The following TMEM209 variants were observed in gnomAD, a reference collection of about 807,000 sequenced individuals.
The protein encoded by TMEM209 is testicular tissue protein Li 202.
A neutral mutation model predicts 76.2 loss-of-function variants in TMEM209; 65 were observed. The observed-to-expected ratio is 0.85, with a 90% CI of 0.70 to 1.05. The LOEUF (loss-of-function observed/expected upper bound fraction) is 1.05. Ranked by LOEUF, TMEM209 falls within the 50% of genes least tolerant of loss-of-function variation. The probability of loss-of-function intolerance (pLI) is 0.00; values close to 1 mark genes in which losing one functional copy is unlikely to be tolerated. For missense variants in TMEM209, 623 were observed against 685.5 expected (o/e 0.91, Z 1.02); for synonymous variants, 239 against 237.6 (o/e 1.01, Z -0.06).
Position 130,202,066 on chromosome 7 carries a change from A to G in TMEM209, c.357T>C (p.Asp119=), listed in dbSNP as rs1392291124. The change falls in exon 5 of 15, where the codon GAT becomes GAC. Residue 119 remains aspartate (D), a synonymous_variant. Coordinates refer to ENST00000397622, the MANE Select transcript of TMEM209 (RefSeq NM_032842.4). ...TAVVQTTPPH[D]LAATQIPPAP... ...CGGGAGGGATTTGGGTTGCTGCCAG[A>G]TCATGTGGAGGCGTAGTCTGTACAA... The G allele has an allele frequency of 6.2e-7, 1 of 1,613,848 alleles. No homozygotes were observed. The highest frequency in any genetic ancestry group is 1.3e-5 in the African/African-American group (1 of 74,996).
intron 14 of TMEM209, among the ~76,000 whole-genome samples, chr7:130,168,029 C>A (rs1352220699): frequency 6.6e-6 from 1 of 152,034 alleles, no homozygotes; most frequent in Admixed American, 6.6e-5. Flanking sequence ...GTATCAATTT[C>A]TTTTGGCCTT....
intron 5 of TMEM209, among the ~76,000 whole-genome samples, chr7:130,196,317 A>C (rs1186952604): frequency 7.1e-6 from 1 of 140,838 alleles, no homozygotes; most frequent in African/African-American, 2.5e-5. Context: ...CTTCTTAGCC[A>C]ATTTTTGGCT....
At chr7:130,184,005 AT>A (rs898355463) in intron 8 of TMEM209, among the ~76,000 whole-genome samples, 178 bp downstream of exon 8, 2 of 152,200 alleles carry the variant, frequency 1.3e-5, no homozygotes, top group East Asian at 1.9e-4. Context: ...GAAGAAAAAA[AT>A]CTCATGAAAA....
chr7:130,188,523 G>C (rs1472623043), intron 6 of TMEM209, among the ~76,000 whole-genome samples: 3 of 147,862 alleles, frequency 2.0e-5, no homozygotes, highest in African/African-American at 7.6e-5. Flanking sequence ...ATGAACCCGG[G>C]AGGCGGAGCT....
At chr7:130,193,475 G>T (rs533055538) in intron 5 of TMEM209, among the ~76,000 whole-genome samples, 30 of 151,962 alleles carry the variant, frequency 2.0e-4, no homozygotes, top group Admixed American at 3.9e-4. Flanking sequence ...GGAGGCGGAG[G>T]TTGTGGCGAG....
intron 6 of TMEM209, 161 bp downstream of exon 6, chr7:130,192,461 G>A: frequency 1.6e-6 from 1 of 632,744 alleles, no homozygotes; most frequent in Admixed American, 3.0e-5. Flanking sequence ...TAAATTTAGT[G>A]AACTTAATTC....
intron 11 of TMEM209, 44 bp downstream of exon 11, chr7:130,175,468 T>C: frequency 6.5e-7 from 1 of 1,548,490 alleles, no homozygotes; most frequent in East Asian, 2.3e-5. Flanking sequence ...TGTCAGTCAA[T>C]CAACAGTAAA....
intron 6 of TMEM209, among the ~76,000 whole-genome samples, chr7:130,188,350 A>T (rs1173738322): frequency 6.6e-6 from 1 of 152,168 alleles, no homozygotes; most frequent in African/African-American, 2.4e-5. Flanking sequence ...TAATCCCAGC[A>T]CTTTGGGAGG....
chr7:130,169,607 T>C (rs945098618), intron 14 of TMEM209, among the ~76,000 whole-genome samples: 7 of 152,246 alleles, frequency 4.6e-5, no homozygotes, highest in Non-Finnish European at 1.0e-4. Context: ...TGGTGGCTAC[T>C]GTGCTGGATG....
chr7:130,197,057 T>C (rs781112302), intron 5 of TMEM209, among the ~76,000 whole-genome samples: 17 of 152,128 alleles, frequency 1.1e-4, no homozygotes, highest in Middle Eastern at 3.4e-3. Flanking sequence ...CAAGACCCCA[T>C]CTCTACCAAA....
intron 11 of TMEM209, among the ~76,000 whole-genome samples, chr7:130,174,674 T>C (rs1157649000): frequency 6.6e-6 from 1 of 152,222 alleles, no homozygotes; most frequent in East Asian, 1.9e-4. Context: ...AAAACATTTA[T>C]GTTCTTTGAT....
rs1007012717 is a variant in TMEM209, at chr7:130,173,679, G to A, written c.1510C>T (p.Pro504Ser). 7 of 1,613,798 alleles carry A rather than the reference G, an allele frequency of 4.3e-6. No homozygotes were observed. The highest frequency in any genetic ancestry group is 5.9e-6 in the Non-Finnish European group (7 of 1,179,842). ...CGCTGGTAGATGAGCTCATAATGGG[G>A]AGGGTTGATAGCACTCTGATAAATG... is the stretch of plus-strand genomic sequence containing the variant. ...FCIYQSAINP[P>S]HYELIYQRHV... The change falls in exon 13 of 15, where the codon CCC (proline) becomes TCC (serine). Residue 504 changes from proline to serine, a missense_variant. Transcript: ENST00000397622.
Position 130,202,394 on chromosome 7 carries a change from C to T in TMEM209, c.331+138G>A, listed in dbSNP as rs544692533. On this transcript the variant is annotated intron_variant, in intron 4 of 14. Transcript: ENST00000397622. ...ACAAGTAGGAATGATAATCATTGGT[C>T]ATAAGACAATTTATTGTATCCTGCT... 3 of 1,234,204 alleles carry T rather than the reference C, an allele frequency of 2.4e-6. No homozygotes were observed. In the East Asian group the frequency reaches 7.1e-5, roughly 29 times the overall value. 76.5% of individuals were successfully genotyped at this position (1,234,204 alleles called of 1,614,324 possible). A position where few individuals can be genotyped will look rare whatever the true frequency, so the allele number is the denominator to read the frequency against.
intron 13 of TMEM209, 123 bp downstream of exon 13, chr7:130,173,509 G>C (rs375481885): frequency 5.2e-5 from 35 of 673,638 alleles, no homozygotes; most frequent in Admixed American, 2.5e-4. Context: ...ATATATGTAG[G>C]AAACACATTT....
At chr7:130,183,029 ACT>A (rs1223184439) in intron 8 of TMEM209, among the ~76,000 whole-genome samples, 1 of 152,016 alleles carries the variant, frequency 6.6e-6, no homozygotes, top group Non-Finnish European at 1.5e-5. Context: ...AAATCCAAAA[ACT>A]CTAAATTTTA....
chr7:130,166,747 C>G (rs1364308989), intron 14 of TMEM209, among the ~76,000 whole-genome samples: 1 of 152,034 alleles, frequency 6.6e-6, no homozygotes, highest in Admixed American at 6.6e-5. Context: ...TTTCAGTAAA[C>G]AAGAACTATT....
rs182753933 is a variant in TMEM209 at position 130,169,385 on chromosome 7, C to T, written c.1631+1015G>A. Among the ~76,000 whole-genome samples the T allele has an allele frequency of 2.0e-3, 307 of 152,094 alleles. 8 individuals are homozygous for T. The highest frequency in any genetic ancestry group is 0.02 in the Admixed American group (300 of 15,266). Reference sequence around the variant, plus strand: ...ATAATTTTAAATTTTCTAGTAGATACCTAATAAACAGGTGAAATTAATTTT... The same window carrying T: ...ATAATTTTAAATTTTCTAGTAGATATCTAATAAACAGGTGAAATTAATTTT... On this transcript the variant is annotated intron_variant, in intron 14 of 14. Coordinates refer to ENST00000397622, the MANE Select transcript of TMEM209 (RefSeq NM_032842.4).
At chr7:130,171,532 T>C in intron 13 of TMEM209, among the ~76,000 whole-genome samples, 1 of 152,162 alleles carries the variant, frequency 6.6e-6, no homozygotes, top group East Asian at 1.9e-4. Flanking sequence ...AAGATTGGCA[T>C]GGATATTCAC....
At chr7:130,183,852 C>T (rs1012950379) in intron 8 of TMEM209, among the ~76,000 whole-genome samples, 4 of 151,986 alleles carry the variant, frequency 2.6e-5, no homozygotes, top group African/African-American at 4.8e-5. Flanking sequence ...TTTTTGTTTC[C>T]CCTCACAATT....
Sources: gnomAD v4.1 joint callset for allele counts (sites outside exome capture counted in the v4.1 genomes callset) on GRCh38, gnomAD v4.1.1 for gene constraint, MANE v1.5 for transcripts, NCBI Gene and HGNC (gene_info 2026-07-23, HGNC 2026-07-21) for gene names.